The following SDC3 variants were observed in gnomAD, a reference collection of about 807,000 sequenced individuals.
SDC3 encodes syndecan-3.
A neutral mutation model predicts 24.4 loss-of-function variants in SDC3; 13 were observed. The observed-to-expected ratio is 0.53, with a 90% CI of 0.35 to 0.85. SDC3 has a LOEUF of 0.85. Among genes scored for constraint, SDC3 ranks in the 40% least tolerant of loss-of-function variants. The pLI is 0.01. For synonymous variants in SDC3, 295 were observed against 260.9 expected (o/e 1.13, Z -1.26); for missense variants, 571 against 584.5 (o/e 0.98, Z 0.24).
chr1:30,893,984 C>T (rs1246801719), intron 1 of SDC3, among the ~76,000 whole-genome samples: 1 of 152,058 alleles, frequency 6.6e-6, no homozygotes, highest in African/African-American at 2.4e-5. Flanking sequence ...CACACACACA[C>T]CACACACACT....
rs764158608 is a variant in SDC3, at chr1:30,877,281, C to T, written c.257-116G>A. The T allele has an allele frequency of 3.0e-6, 4 of 1,341,276 alleles. No individual in the cohort carries two copies. In the African/African-American group the frequency reaches 4.4e-5, roughly 15 times the overall value. 83.1% of individuals were successfully genotyped at this position (1,341,276 alleles called of 1,614,324 possible). Reference sequence around the variant, plus strand: ...GGTCTCCCAACCCCCTCTCTTTACCCAATTTTCCCAGAAAAGATGAGAGAA... The same window carrying T: ...GGTCTCCCAACCCCCTCTCTTTACCTAATTTTCCCAGAAAAGATGAGAGAA... On this transcript the variant is annotated intron_variant, in intron 2 of 4. Transcript: ENST00000339394.
chr1:30,906,509 C>A (rs1638522643), intron 1 of SDC3, among the ~76,000 whole-genome samples: 1 of 152,174 alleles, frequency 6.6e-6, no homozygotes, highest in Non-Finnish European at 1.5e-5. Flanking sequence ...GAATTATTAG[C>A]CTTATTCAGC....
chr1:30,876,900 C>T lies in SDC3; in HGVS notation c.522G>A (p.Pro174=), dbSNP rs761529979. The T allele has an allele frequency of 6.3e-5, 102 of 1,613,610 alleles. 2 individuals are homozygous for T. Among genetic ancestry groups the T allele is most frequent in the Middle Eastern group, 1.7e-4 (1 of 6,050 alleles). The change falls in exon 3 of 5, where the codon CCG becomes CCA. Residue 174 remains proline (P), a synonymous_variant. Coordinates refer to ENST00000339394, the MANE Select transcript of SDC3 (RefSeq NM_014654.4). ...CTGTGGCAGGCACTGTGGCCACAGTCGGGTCCCCTGTGCTTGTGGCAGCAG... is the reference window on the plus strand; with the variant it reads ...CTGTGGCAGGCACTGTGGCCACAGTTGGGTCCCCTGTGCTTGTGGCAGCAG... ...ATTAATSTGD[P]TVATVPATVA...
At chr1:30,885,173 C>T (rs1282642450) in intron 1 of SDC3, among the ~76,000 whole-genome samples, 1 of 152,148 alleles carries the variant, frequency 6.6e-6, no homozygotes, top group Non-Finnish European at 1.5e-5. Context: ...GATAAGAATG[C>T]CCACCTCGTG....
intron 1 of SDC3, among the ~76,000 whole-genome samples, chr1:30,908,077 G>T (rs906657515): frequency 6.6e-6 from 1 of 152,142 alleles, no homozygotes; most frequent in African/African-American, 2.4e-5. Context: ...TCGTCCCCGG[G>T]GAGACAGTTC....
intron 1 of SDC3, chr1:30,879,010 C>T (rs926592430): frequency 2.3e-5 from 10 of 430,938 alleles, no homozygotes; most frequent in Non-Finnish European, 3.8e-5. Context: ...CTTGACTGCA[C>T]ATCTGAATAT....
chr1:30,908,343 G>T, intron 1 of SDC3, 106 bp downstream of exon 1: 1 of 570,156 alleles, frequency 1.8e-6, no homozygotes. Flanking sequence ...GCAGCCGGGG[G>T]GGAGGGAGCG....
chr1:30,876,336 C>T (rs1032974798), intron 3 of SDC3, among the ~76,000 whole-genome samples: 2 of 152,154 alleles, frequency 1.3e-5, no homozygotes, highest in African/African-American at 4.8e-5. Context: ...CCACCAATGT[C>T]CCATCCCATT....
intron 1 of SDC3, among the ~76,000 whole-genome samples, chr1:30,880,198 C>A (rs573285607): frequency 6.6e-6 from 1 of 152,182 alleles, no homozygotes; most frequent in African/African-American, 2.4e-5. Flanking sequence ...CCATGACGAC[C>A]ATCTTCTCCA....
In SDC3 at chr1:30,899,924, C is replaced by T. The variant is rs140260342; in HGVS notation, c.138+8525G>A. On this transcript the variant is annotated intron_variant, in intron 1 of 4. Transcript: ENST00000339394. ...GCTTAGTAAATGTCTGCTGAGTGAG[C>T]AACGCAGTCAATCAAGACAGGCGCC... is the stretch of plus-strand genomic sequence containing the variant. Among the ~76,000 whole-genome samples, 197 of 152,342 alleles carry T rather than the reference C, an allele frequency of 1.3e-3. 2 individuals carry two copies. Among genetic ancestry groups the T allele is most frequent in the African/African-American group, 4.5e-3 (189 of 41,586 alleles).
At position 30,876,699 on chromosome 1, in the gene SDC3, G is replaced by C; in HGVS notation, c.723C>G (p.Thr241=). 6.2e-7 allele frequency: 1 copy of C among 1,602,300 alleles called. No homozygotes were observed. Among genetic ancestry groups the C allele is most frequent in the Non-Finnish European group, 8.5e-7 (1 of 1,173,860 alleles). ...SPPTTAAVLD[T]EAPTPRLVST... ...TGACCAGCCTGGGTGTTGGGGCCTC[G>C]GTGTCCAAGACAGCCGCCGTGGTGG... The change falls in exon 3 of 5, where the codon ACC becomes ACG. Residue 241 remains threonine, a synonymous_variant. Transcript: ENST00000339394.
chr1:30,891,373 G>C (rs959308896), intron 1 of SDC3, among the ~76,000 whole-genome samples: 4 of 152,206 alleles, frequency 2.6e-5, no homozygotes, highest in Non-Finnish European at 5.9e-5. Context: ...CAAGCCCCTC[G>C]GGTGGTTTCC....
At chr1:30,886,344 T>C (rs371141270) in intron 1 of SDC3, among the ~76,000 whole-genome samples, 25 of 152,026 alleles carry the variant, frequency 1.6e-4, no homozygotes, top group East Asian at 1.6e-3. Flanking sequence ...ACACAATGCC[T>C]CCTTTGTCAG....
At position 30,876,739 on chromosome 1, in the gene SDC3, T is replaced by G; in HGVS notation, c.683A>C (p.Glu228Ala). The G allele has an allele frequency of 6.3e-7, 1 of 1,589,352 alleles. No individual in the cohort carries two copies. Among genetic ancestry groups the G allele is most frequent in the Non-Finnish European group, 8.6e-7 (1 of 1,167,506 alleles). Reference protein sequence around the residue: ...TVATARATTPEAPSPPTTAAV... With the variant: ...TVATARATTPAAPSPPTTAAV... ...CGCCGTGGTGGGCGGGGAGGGCGCC[T>G]CGGGGGTAGTGGCCCGTGCCGTAGC... The change falls in exon 3 of 5, where the codon GAG becomes GCG. Residue 228 changes from glutamate to alanine, a missense_variant. Transcript: ENST00000339394.
At chr1:30,877,792 G>C (rs1639674627) in intron 2 of SDC3, 1 of 154,430 alleles carries the variant, frequency 6.5e-6, no homozygotes, top group South Asian at 2.1e-4. Context: ...AGGGAGGGGA[G>C]CCAGGGAACT....
Position 30,886,756 on chromosome 1 carries a change from T to C in SDC3, c.139-8016A>G, listed in dbSNP as rs530192723. On this transcript the variant is annotated intron_variant, in intron 1 of 4. Coordinates refer to ENST00000339394, the MANE Select transcript of SDC3 (RefSeq NM_014654.4). Reference sequence around the variant, plus strand: ...GAAAAGGCTGGGCCATTCCATCCCTTATGAAAATGATCACAGCCCCGACGG... The same window carrying C: ...GAAAAGGCTGGGCCATTCCATCCCTCATGAAAATGATCACAGCCCCGACGG... 1.1e-3 allele frequency among the ~76,000 whole-genome samples: 164 copies of C among 152,264 alleles called. 2 individuals carry two copies. The highest frequency in any genetic ancestry group is 1.2e-3 in the South Asian group (6 of 4,822).
At chr1:30,886,852 A>G (rs1165794937) in intron 1 of SDC3, among the ~76,000 whole-genome samples, 3 of 152,180 alleles carry the variant, frequency 2.0e-5, no homozygotes, top group Non-Finnish European at 2.9e-5. Context: ...TTGACCAGAA[A>G]GGGATTGCCA....
chr1:30,880,372 G>A (rs1339891206), intron 1 of SDC3, among the ~76,000 whole-genome samples: 2 of 150,822 alleles, frequency 1.3e-5, no homozygotes, highest in African/African-American at 4.9e-5. Flanking sequence ...GGGCAGAGAC[G>A]GGGAGGGTGG....
chr1:30,881,421 C>T (rs975893510), intron 1 of SDC3: 5 of 153,084 alleles, frequency 3.3e-5, no homozygotes, highest in African/African-American at 1.2e-4. Flanking sequence ...ACACACATCG[C>T]TCCTAGACAT....
Sources: gnomAD v4.1 joint callset for allele counts (sites outside exome capture counted in the v4.1 genomes callset) on GRCh38, gnomAD v4.1.1 for gene constraint, MANE v1.5 for transcripts, NCBI Gene and HGNC (gene_info 2026-07-23, HGNC 2026-07-21) for gene names.